GPHN: variants seen among roughly 807,000 people sequenced by gnomAD.
The protein encoded by GPHN is gephyrin.
In GPHN, 17 loss-of-function variants were observed where a neutral mutation model predicts 95.5. The observed-to-expected ratio is 0.18, with a 90% CI of 0.12 to 0.27. The LOEUF is 0.27. GPHN is among the 10% of genes least tolerant of loss of function. The probability of loss-of-function intolerance (pLI) is 1.00; values close to 1 mark genes in which losing one functional copy is unlikely to be tolerated. For missense variants in GPHN, 660 were observed against 978.1 expected (o/e 0.67, Z 4.34); for synonymous variants, 320 against 322.5 (o/e 0.99, Z 0.08).
rs1316293486 is a variant in GPHN at position 67,100,849 on chromosome 14, C to G, written c.1238-7C>G. 1 of 1,595,796 alleles carries G rather than the reference C, an allele frequency of 6.3e-7. No homozygotes were observed. The highest frequency in any genetic ancestry group is 2.2e-5 in the East Asian group (1 of 44,814). On this transcript the variant is annotated splice_region_variant and splice_polypyrimidine_tract_variant and intron_variant, in intron 12 of 22. Coordinates refer to ENST00000478722, the MANE Select transcript of GPHN (RefSeq NM_020806.5). ...ATGTTTGTTCTTGGCTCTGTTCCAT[C>G]TCACAGCTGCTGATGGCCCAGGAGA... is the stretch of plus-strand genomic sequence containing the variant.
the GPHN span, among the ~76,000 whole-genome samples, chr14:67,565,738 G>A: frequency 6.6e-6 from 1 of 152,218 alleles, no homozygotes; most frequent in Non-Finnish European, 1.5e-5. Context: ...TCACTTGGGA[G>A]AGGGGGTGAC....
chr14:67,144,560 C>T (rs560271345), intron 18 of GPHN, among the ~76,000 whole-genome samples: 1 of 152,034 alleles, frequency 6.6e-6, no homozygotes, highest in East Asian at 1.9e-4. Context: ...TTTTCTCTCA[C>T]ATTAATGACT....
At chr14:66,945,105 C>G (rs77284113) in intron 8 of GPHN, among the ~76,000 whole-genome samples, 2,300 of 152,240 alleles carry the variant, frequency 0.015, 33 homozygotes, top group Non-Finnish European at 0.018. Flanking sequence ...AAAAAAAACA[C>G]GTTCTTGTTA....
chr14:67,555,352 G>A, the GPHN span, among the ~76,000 whole-genome samples: 8 of 152,356 alleles, frequency 5.3e-5, no homozygotes, highest in African/African-American at 1.7e-4. Context: ...GGGTGAGGAG[G>A]TATTCATCCC....
chr14:67,690,838 C>T, the GPHN span: 3 of 405,082 alleles, frequency 7.4e-6, no homozygotes, highest in South Asian at 9.4e-5. Flanking sequence ...AGCAGATGAC[C>T]TATACCTGAT....
At chr14:66,729,009 A>G (rs117379018) in intron 2 of GPHN, among the ~76,000 whole-genome samples, 1,832 of 152,192 alleles carry the variant, frequency 0.012, 17 homozygotes, top group Non-Finnish European at 0.018. Context: ...AGTCTTTCCA[A>G]TGCTGTTCTT....
At chr14:66,799,257 T>C (rs1473580912) in intron 3 of GPHN, among the ~76,000 whole-genome samples, 2 of 152,010 alleles carry the variant, frequency 1.3e-5, no homozygotes, top group East Asian at 3.8e-4. Flanking sequence ...CTAGAGAATG[T>C]TCCATGTGCT....
At chr14:66,534,369 C>A (rs898518586) in intron 1 of GPHN, among the ~76,000 whole-genome samples, 3 of 152,072 alleles carry the variant, frequency 2.0e-5, no homozygotes, top group African/African-American at 7.2e-5. Flanking sequence ...CCTGTTCTTG[C>A]ACTTCATGTA....
intron 1 of GPHN, among the ~76,000 whole-genome samples, chr14:66,674,888 C>T (rs1458759534): frequency 6.6e-6 from 1 of 152,160 alleles, no homozygotes; most frequent in African/African-American, 2.4e-5. Flanking sequence ...TTTTGAGGAA[C>T]CTCCATACTG....
At chr14:66,850,010 A>G (rs1006837488) in intron 4 of GPHN, among the ~76,000 whole-genome samples, 2 of 152,090 alleles carry the variant, frequency 1.3e-5, no homozygotes, top group Admixed American at 1.3e-4. Flanking sequence ...TTTCTTCCTA[A>G]TAAGTTAGTT....
At chr14:67,651,686 CAAT>C in the GPHN span, 1 of 420,962 alleles carries the variant, frequency 2.4e-6, no homozygotes. Flanking sequence ...TAAACTGAGA[CAAT>C]AAAAACCAAA....
chr14:66,660,208 T>G (rs960635352), intron 1 of GPHN, among the ~76,000 whole-genome samples: 1 of 152,120 alleles, frequency 6.6e-6, no homozygotes, highest in Admixed American at 6.5e-5. Context: ...GCCTGAAATA[T>G]TTCTTGTACG....
At chr14:66,996,263 C>T in intron 9 of GPHN, 1 of 1,175,082 alleles carries the variant, frequency 8.5e-7, no homozygotes, top group African/African-American at 1.5e-5. Flanking sequence ...AACATGCTCG[C>T]CCTCACCATT....
At chr14:66,762,699 A>C (rs973229717) in intron 2 of GPHN, among the ~76,000 whole-genome samples, 1 of 152,174 alleles carries the variant, frequency 6.6e-6, no homozygotes, top group South Asian at 2.1e-4. Context: ...AATGCCTAAC[A>C]CAATGCCTAT....
chr14:66,960,269 CT>C (rs1296380071), intron 8 of GPHN, among the ~76,000 whole-genome samples: 1 of 133,986 alleles, frequency 7.5e-6, no homozygotes, highest in African/African-American at 3.4e-5. Context: ...CCGTTCATTT[CT>C]TTTTTCTTTT....
chr14:67,333,997 A>T, the GPHN span: 1 of 152,660 alleles, frequency 6.6e-6, no homozygotes, highest in African/African-American at 2.4e-5. Context: ...AATATTTAAT[A>T]GATCAACAAA....
In GPHN at chr14:66,724,565, G is replaced by A. The variant is rs560951388; in HGVS notation, c.143+43380G>A. On this transcript the variant is annotated intron_variant, in intron 2 of 22. Coordinates refer to ENST00000478722, the MANE Select transcript of GPHN (RefSeq NM_020806.5). ...GTCTAACAGGGGTAGATAGAGGGAT[G>A]CAGGAGGTAGGGGCTTGGAGAGAGG... is the stretch of plus-strand genomic sequence containing the variant. Among the ~76,000 whole-genome samples, 12 of 152,316 alleles carry A rather than the reference G, an allele frequency of 7.9e-5. No homozygotes were observed. The South Asian group carries it at 2.5e-3, about 32-fold the overall frequency.
At chr14:67,124,411 G>A (rs1048525721) in intron 17 of GPHN, among the ~76,000 whole-genome samples, 10 of 152,004 alleles carry the variant, frequency 6.6e-5, no homozygotes, top group African/African-American at 1.9e-4. Context: ...AGGGCCCCTC[G>A]TCCTAAGAAG....
chr14:66,655,455 T>G (rs1457834353), intron 1 of GPHN, among the ~76,000 whole-genome samples: 2 of 152,142 alleles, frequency 1.3e-5, no homozygotes, highest in African/African-American at 4.8e-5. Flanking sequence ...ATCAGTCTTG[T>G]ATCTTGTGGC....
Sources: allele counts gnomAD v4.1 joint callset (sites outside exome capture counted in the v4.1 genomes callset), GRCh38; gene constraint gnomAD v4.1.1; transcripts MANE v1.5; gene names NCBI Gene and HGNC (gene_info 2026-07-23, HGNC 2026-07-21).